Variants in SLC5A11 observed in about 807,000 individuals in gnomAD.
SLC5A11 encodes the protein sodium/myo-inositol cotransporter 2.
Under a neutral mutation model 69.8 loss-of-function variants are expected in SLC5A11, and 48 were observed. The ratio of observed to expected loss-of-function variants is 0.69; its 90% CI spans 0.55 to 0.87. SLC5A11 has a LOEUF of 0.87. Among genes scored for constraint, SLC5A11 ranks in the 40% least tolerant of loss-of-function variants. The pLI is 0.00. For missense variants in SLC5A11, 784 were observed against 866.1 expected, an observed-to-expected ratio of 0.91 and a Z score of 1.19; for synonymous variants, 319 against 342.4, an observed-to-expected ratio of 0.93 and a Z score of 0.75.
At chr16:24,865,500 T>A (rs1178748963) in intron 3 of SLC5A11, among the ~76,000 whole-genome samples, 1 of 152,114 alleles carries the variant, frequency 6.6e-6, no homozygotes, top group African/African-American at 2.4e-5. Context: ...GAGGTTGCAG[T>A]GAGCTGAGAC....
rs149860173 is a variant in SLC5A11, at chr16:24,907,664, C to T, written c.1266-299C>T. 2.7e-4 allele frequency among the ~76,000 whole-genome samples: 41 copies of T among 151,730 alleles called. No individual in the cohort carries two copies. The East Asian group carries it at 5.6e-3, about 21-fold the overall frequency. ...CAGAGGTTGCAGTGAGCCAAGATGACGCACTGCACTCCCGCCTGGGTGACA... is the reference window on the plus strand; with the variant it reads ...CAGAGGTTGCAGTGAGCCAAGATGATGCACTGCACTCCCGCCTGGGTGACA... On this transcript the variant is annotated intron_variant, in intron 12 of 15. Coordinates refer to ENST00000347898, the Ensembl canonical transcript of SLC5A11.
chr16:24,847,241 CTTCT>C (rs537285782), intron 1 of SLC5A11, among the ~76,000 whole-genome samples: 169 of 139,368 alleles, frequency 1.2e-3, no homozygotes, highest in African/African-American at 4.5e-3. Context: ...TTTCTCCTTC[CTTCT>C]TTCCTTCCTT....
chr16:24,898,449 A>G (rs1447314175), intron 10 of SLC5A11, among the ~76,000 whole-genome samples: 1 of 151,218 alleles, frequency 6.6e-6, no homozygotes, highest in Non-Finnish European at 1.5e-5. Context: ...GCCTCAAGCT[A>G]TCCTCCTGCC....
chr16:24,860,642 C>A (rs1219229321), intron 2 of SLC5A11, among the ~76,000 whole-genome samples: 2 of 152,118 alleles, frequency 1.3e-5, no homozygotes, highest in Admixed American at 6.6e-5. Context: ...CACATTCTCA[C>A]CAACAGTGTA....
At chr16:24,864,973 C>A (rs994947203) in intron 3 of SLC5A11, among the ~76,000 whole-genome samples, 4 of 150,272 alleles carry the variant, frequency 2.7e-5, no homozygotes, top group African/African-American at 9.8e-5. Context: ...AGAAAAAAAA[C>A]GAAGAGAAAC....
chr16:24,849,596 ATATAT>A (rs1567553378), intron 1 of SLC5A11, among the ~76,000 whole-genome samples: 14 of 81,352 alleles, frequency 1.7e-4, no homozygotes, highest in African/African-American at 6.6e-4. Flanking sequence ...AAAAAAAAAT[ATATAT>A]ATATATATAT....
chr16:24,877,842 G>A (rs964481032), intron 7 of SLC5A11, among the ~76,000 whole-genome samples: 1 of 152,228 alleles, frequency 6.6e-6, no homozygotes, highest in Non-Finnish European at 1.5e-5. Flanking sequence ...AAATTAGCCA[G>A]GCATGATGGC....
At chr16:24,896,297 C>G (rs1567671790) in intron 9 of SLC5A11, among the ~76,000 whole-genome samples, 1 of 151,992 alleles carries the variant, frequency 6.6e-6, no homozygotes, top group African/African-American at 2.4e-5. Context: ...CCAGCCTCCT[C>G]AATATAGCAA....
intron 10 of SLC5A11, among the ~76,000 whole-genome samples, chr16:24,900,014 T>C (rs1003593143): frequency 6.6e-6 from 1 of 152,122 alleles, no homozygotes; most frequent in Non-Finnish European, 1.5e-5. Flanking sequence ...GGTGTACTTT[T>C]CTTAACAAAT....
At chr16:24,895,156 C>G (rs2049068285) in intron 9 of SLC5A11, among the ~76,000 whole-genome samples, 1 of 151,400 alleles carries the variant, frequency 6.6e-6, no homozygotes. Flanking sequence ...AAAAAAAGAA[C>G]CATCCGACTA....
At chr16:24,873,243 GAGGGAGGA>G (rs1189529405) in intron 5 of SLC5A11, among the ~76,000 whole-genome samples, 8 of 113,826 alleles carry the variant, frequency 7.0e-5, no homozygotes, top group South Asian at 3.3e-4. Flanking sequence ...TGGAGAGAGG[GAGGGAGGA>G]AGGAAGGAAG....
In SLC5A11 at chr16:24,858,313, A is replaced by T. The variant is rs1215711962; in HGVS notation, c.-24-307A>T. ...TGTCTCATTTTTCTTTCACTCTGGGACACGTGCTTGCTGAAATCATCTGTA... is the reference window on the plus strand; with the variant it reads ...TGTCTCATTTTTCTTTCACTCTGGGTCACGTGCTTGCTGAAATCATCTGTA... On this transcript the variant is annotated intron_variant, in intron 1 of 15. Coordinates refer to ENST00000347898, the Ensembl canonical transcript of SLC5A11. 2.6e-5 allele frequency among the ~76,000 whole-genome samples: 4 copies of T among 152,198 alleles called. No homozygotes were observed. The East Asian group carries it at 7.7e-4, about 29-fold the overall frequency.
rs144982248 is a variant in SLC5A11 at position 24,865,336 on chromosome 16, G to A, written c.207+2664G>A. 7.1e-4 allele frequency among the ~76,000 whole-genome samples: 108 copies of A among 152,226 alleles called. 1 individual carries two copies. Among genetic ancestry groups the A allele is most frequent in the African/African-American group, 2.2e-3 (92 of 41,536 alleles). On this transcript the variant is annotated intron_variant, in intron 3 of 15. Coordinates refer to ENST00000347898, the Ensembl canonical transcript of SLC5A11. ...AGCACTTTGGGAGGCCAAAGCAGGC[G>A]GATCACTTGAGGTCAGGAGTTTGAA...
chr16:24,884,180 A>T, intron 8 of SLC5A11, 49 bp downstream of exon 9: 5 of 1,562,450 alleles, frequency 3.2e-6, no homozygotes, highest in Non-Finnish European at 8.8e-7. Flanking sequence ...ACCTCTCTCC[A>T]GCAGGGATAT....
At chr16:24,898,273 A>T (rs578241489) in intron 10 of SLC5A11, among the ~76,000 whole-genome samples, 164 bp downstream of exon 11, 1 of 152,316 alleles carries the variant, frequency 6.6e-6, no homozygotes, top group Non-Finnish European at 1.5e-5. Context: ...GTGCAGTGGT[A>T]TGGTCATAGC....
At chr16:24,854,998 G>C (rs1164909994) in intron 1 of SLC5A11, among the ~76,000 whole-genome samples, 1 of 151,282 alleles carries the variant, frequency 6.6e-6, no homozygotes, top group East Asian at 2.0e-4. Context: ...GCAAGGTCTT[G>C]CTCTGCCTCC....
chr16:24,905,754 C>T (rs966434668), intron 10 of SLC5A11, among the ~76,000 whole-genome samples: 4 of 151,978 alleles, frequency 2.6e-5, no homozygotes, highest in Non-Finnish European at 5.9e-5. Context: ...TAAGGGTTTG[C>T]CTCCTGGCCA....
At chr16:24,867,278 C>A (rs1041612161) in intron 3 of SLC5A11, among the ~76,000 whole-genome samples, 1 of 151,880 alleles carries the variant, frequency 6.6e-6, no homozygotes, top group Admixed American at 6.6e-5. Context: ...AACCAATGGG[C>A]CAAAGAAGAA....
At chr16:24,857,862 G>A (rs2059602205) in intron 1 of SLC5A11, among the ~76,000 whole-genome samples, 1 of 152,180 alleles carries the variant, frequency 6.6e-6, no homozygotes, top group Admixed American at 6.5e-5. Flanking sequence ...TTAGAGGTAA[G>A]CATCTTTGGG....
Sources: allele counts gnomAD v4.1 joint callset (sites outside exome capture counted in the v4.1 genomes callset), GRCh38; gene constraint gnomAD v4.1.1; transcripts MANE v1.5; gene names NCBI Gene and HGNC (gene_info 2026-07-23, HGNC 2026-07-21).